The following RELN variants were observed in gnomAD, a reference collection of about 807,000 sequenced individuals.
RELN encodes reelin.
A neutral mutation model predicts 427.6 loss-of-function variants in RELN; 108 were observed. That is an observed-to-expected ratio of 0.25 (90% CI 0.22 to 0.30). The LOEUF is 0.30. RELN is among the 10% of genes least tolerant of loss of function. The probability of loss-of-function intolerance (pLI) is 1.00; values close to 1 mark genes in which losing one functional copy is unlikely to be tolerated. For synonymous variants in RELN, 1,524 were observed against 1,513.4 expected (o/e 1.01, Z -0.16); for missense variants, 3,715 against 4,302.8 (o/e 0.86, Z 3.82).
rs530223949 is a variant in RELN at position 103,929,150 on chromosome 7, GCA to G, written c.227-11967_227-11966del. ...CAATGAACCAACATCAAGTTAAATG[GCA>G]TCTGGTTGCTGTTGGAGTCTTTATT... On this transcript the variant is annotated intron_variant, in intron 1 of 64. Coordinates refer to ENST00000428762, the MANE Select transcript of RELN (RefSeq NM_005045.4). Among the ~76,000 whole-genome samples the G allele has an allele frequency of 8.4e-3, 1,261 of 150,406 alleles. 21 individuals are homozygous for G. The highest frequency in any genetic ancestry group is 0.021 in the Middle Eastern group (6 of 292).
At chr7:103,829,990 G>T (rs962044181) in intron 3 of RELN, among the ~76,000 whole-genome samples, 1 of 136,674 alleles carries the variant, frequency 7.3e-6, no homozygotes, top group African/African-American at 2.5e-5. Flanking sequence ...TCAGGTAAAT[G>T]GTAAATGATA....
At chr7:103,654,392 G>T (rs983991646) in intron 12 of RELN, among the ~76,000 whole-genome samples, 187 bp from the exon 13 acceptor site, 5 of 152,088 alleles carry the variant, frequency 3.3e-5, no homozygotes, top group African/African-American at 1.2e-4. Context: ...CCATGCTAAA[G>T]ATCAAAGACT....
At chr7:103,913,026 G>A (rs1363925593) in intron 2 of RELN, among the ~76,000 whole-genome samples, 1 of 152,038 alleles carries the variant, frequency 6.6e-6, no homozygotes, top group African/African-American at 2.4e-5. Context: ...TTCAAATCAG[G>A]CATTGCTGGC....
At chr7:103,502,124 C>T (rs1346156190) in intron 52 of RELN, among the ~76,000 whole-genome samples, 1 of 152,170 alleles carries the variant, frequency 6.6e-6, no homozygotes, top group African/African-American at 2.4e-5. Flanking sequence ...TCTTTGGATT[C>T]GTTCATTATA....
At chr7:103,629,846 C>T (rs1446403622) in intron 20 of RELN, 94 bp downstream of exon 20, 1 of 883,630 alleles carries the variant, frequency 1.1e-6, no homozygotes, top group African/African-American at 1.6e-5. Context: ...AAATACTTGT[C>T]AACAAATGAC....
At chr7:103,541,192 G>T (rs937044984) in intron 43 of RELN, among the ~76,000 whole-genome samples, 1 of 152,144 alleles carries the variant, frequency 6.6e-6, no homozygotes, top group African/African-American at 2.4e-5. Context: ...TTCCCAGCTG[G>T]CAGGGAGGTG....
intron 1 of RELN, among the ~76,000 whole-genome samples, chr7:103,935,839 C>T (rs1353706651): frequency 6.6e-6 from 1 of 152,104 alleles, no homozygotes; most frequent in Admixed American, 6.6e-5. Context: ...CATAAAAACA[C>T]CCTCTATTCC....
intron 3 of RELN, among the ~76,000 whole-genome samples, chr7:103,797,132 C>A (rs1349628373): frequency 6.6e-6 from 1 of 151,924 alleles, no homozygotes; most frequent in Non-Finnish European, 1.5e-5. Flanking sequence ...GTCACCCAGG[C>A]TGGAGTGCAA....
At chr7:103,719,393 T>G (rs898975154) in intron 8 of RELN, among the ~76,000 whole-genome samples, 5 of 152,196 alleles carry the variant, frequency 3.3e-5, no homozygotes, top group African/African-American at 1.2e-4. Flanking sequence ...CATTAGGCAC[T>G]GCCACCCTGG....
intron 16 of RELN, among the ~76,000 whole-genome samples, chr7:103,648,903 T>G (rs922527711): frequency 6.6e-6 from 1 of 151,868 alleles, no homozygotes; most frequent in Admixed American, 6.6e-5. Flanking sequence ...CTTACTCCAA[T>G]CAGAATGGGT....
At chr7:103,930,498 C>G (rs1795838586) in intron 1 of RELN, among the ~76,000 whole-genome samples, 1 of 152,020 alleles carries the variant, frequency 6.6e-6, no homozygotes, top group Non-Finnish European at 1.5e-5. Context: ...CAGGGTCTCA[C>G]TCTGTTGCCC....
chr7:103,570,534 T>A (rs1234679612), intron 31 of RELN, among the ~76,000 whole-genome samples: 2 of 152,256 alleles, frequency 1.3e-5, no homozygotes, highest in Admixed American at 6.5e-5. Context: ...ATTTCTTTTC[T>A]TGATTGCTTA....
At chr7:103,729,389 C>T (rs370629325) in intron 6 of RELN, among the ~76,000 whole-genome samples, 45 of 152,200 alleles carry the variant, frequency 3.0e-4, no homozygotes, top group African/African-American at 9.4e-4. Context: ...AAACACTGCA[C>T]GTCAAAAATT....
At chr7:103,693,953 G>T (rs1402821931) in intron 10 of RELN, among the ~76,000 whole-genome samples, 3 of 152,082 alleles carry the variant, frequency 2.0e-5, no homozygotes, top group Non-Finnish European at 2.9e-5. Context: ...ACAATAGTTT[G>T]CCCATCAGTA....
At chr7:103,741,758 C>A (rs546549728) in intron 6 of RELN, among the ~76,000 whole-genome samples, 10 of 151,598 alleles carry the variant, frequency 6.6e-5, no homozygotes, top group South Asian at 4.2e-4. Flanking sequence ...TACACTAGAC[C>A]TCTTCACACT....
At chr7:103,971,000 A>G (rs1796752420) in intron 1 of RELN, among the ~76,000 whole-genome samples, 1 of 152,138 alleles carries the variant, frequency 6.6e-6, no homozygotes, top group African/African-American at 2.4e-5. Context: ...TGCTAGAAGT[A>G]CAAAAGCCGG....
chr7:103,557,783 T>C (rs1192751020), intron 37 of RELN, among the ~76,000 whole-genome samples, 182 bp downstream of exon 37: 1 of 152,228 alleles, frequency 6.6e-6, no homozygotes, highest in Non-Finnish European at 1.5e-5. Flanking sequence ...AGTAGTTTTC[T>C]TGCCCTTATA....
At chr7:103,644,570 T>A (rs1314467799) in intron 16 of RELN, among the ~76,000 whole-genome samples, 3 of 150,694 alleles carry the variant, frequency 2.0e-5, no homozygotes, top group African/African-American at 7.3e-5. Flanking sequence ...GCTAACACAG[T>A]CAGACTGAAA....
At chr7:103,643,294 T>C (rs576735286) in intron 16 of RELN, among the ~76,000 whole-genome samples, 1 of 152,198 alleles carries the variant, frequency 6.6e-6, no homozygotes, top group East Asian at 1.9e-4. Flanking sequence ...TTCTACTTAC[T>C]TGTAGTATAA....
Sources: gnomAD v4.1 joint callset for allele counts (sites outside exome capture counted in the v4.1 genomes callset) on GRCh38, gnomAD v4.1.1 for gene constraint, MANE v1.5 for transcripts, NCBI Gene and HGNC (gene_info 2026-07-23, HGNC 2026-07-21) for gene names.